MEI4: variants seen among roughly 807,000 people sequenced by gnomAD.
The protein encoded by MEI4 is meiotic double-stranded break formation protein 4, also known as meiosis-specific protein MEI4.
In MEI4, 27 loss-of-function variants were observed where a neutral mutation model predicts 31.4. The observed-to-expected ratio is 0.86, with a 90% CI of 0.63 to 1.19. MEI4 has a LOEUF of 1.19. Among genes scored for constraint, MEI4 ranks in the 50% most tolerant of loss-of-function variants. The pLI, the probability that MEI4 is intolerant of heterozygous loss-of-function variation, is 0.00. For synonymous variants in MEI4, 122 were observed against 145.4 expected (o/e 0.84, Z 1.16); for missense variants, 329 against 398.9 (o/e 0.82, Z 1.49).
At chr6:77,814,506 T>C (rs183546225) in intron 3 of MEI4, among the ~76,000 whole-genome samples, 8 of 152,236 alleles carry the variant, frequency 5.3e-5, no homozygotes, top group Non-Finnish European at 1.0e-4. Context: ...TAATCCTGTC[T>C]ATGTAAACAC....
rs532583496 is a variant in MEI4 at position 77,893,509 on chromosome 6, C to G, written c.901-29580C>G. Among the ~76,000 whole-genome samples, 3 of 152,252 alleles carry G rather than the reference C, an allele frequency of 2.0e-5. No individual in the cohort carries two copies. The South Asian group carries it at 6.2e-4, about 32-fold the overall frequency. On this transcript the variant is annotated intron_variant, in intron 4 of 4. Transcript: ENST00000684080. ...CGTCTTATAGACATCTCATATTGTT[C>G]TATAATTATTTACATATGTAACGCT...
chr6:77,821,972 A>C (rs9359294), intron 3 of MEI4, among the ~76,000 whole-genome samples: 22 of 151,866 alleles, frequency 1.4e-4, no homozygotes, highest in Non-Finnish European at 2.8e-4. Context: ...CCAAAGTCTT[A>C]TTTGAAAATT....
At chr6:77,889,608 G>A (rs886912769) in intron 4 of MEI4, among the ~76,000 whole-genome samples, 1 of 152,226 alleles carries the variant, frequency 6.6e-6, no homozygotes, top group African/African-American at 2.4e-5. Context: ...AGAAATTCAA[G>A]CTGGCTACAG....
intron 2 of MEI4, among the ~76,000 whole-genome samples, chr6:77,733,826 T>C (rs1460370667): frequency 6.6e-6 from 1 of 152,068 alleles, no homozygotes; most frequent in African/African-American, 2.4e-5. Context: ...TGGTATGTTG[T>C]ATGTTTGTTC....
At chr6:77,785,038 A>G (rs975841920) in intron 3 of MEI4, among the ~76,000 whole-genome samples, 2 of 152,148 alleles carry the variant, frequency 1.3e-5, no homozygotes, top group African/African-American at 2.4e-5. Flanking sequence ...TAATATGCTG[A>G]AATTTCCCCG....
intron 4 of MEI4, among the ~76,000 whole-genome samples, chr6:77,832,489 C>G (rs1420148901): frequency 6.6e-6 from 1 of 151,870 alleles, no homozygotes; most frequent in African/African-American, 2.4e-5. Flanking sequence ...ACTGAGAAGC[C>G]TTATGTGTCA....
In MEI4 at chr6:77,734,849, G is replaced by A. The variant is rs555338662; in HGVS notation, c.233-26281G>A. On this transcript the variant is annotated intron_variant, in intron 2 of 4. Coordinates refer to ENST00000684080, the MANE Select transcript of MEI4 (RefSeq NM_001322247.2). ...GGCCTGGTTGTGACAAAATCTCTCA[G>A]CATTTGCTTGTCTGTAAAGGATTTT... Among the ~76,000 whole-genome samples the A allele has an allele frequency of 6.1e-4, 93 of 151,814 alleles. 1 individual carries two copies. Among genetic ancestry groups the A allele is most frequent in the African/African-American group, 2.1e-3 (88 of 41,280 alleles).
chr6:77,804,411 C>G (rs1169064736), intron 3 of MEI4, among the ~76,000 whole-genome samples: 1 of 152,208 alleles, frequency 6.6e-6, no homozygotes, highest in African/African-American at 2.4e-5. Flanking sequence ...TTGGGTGAGG[C>G]AATGCCTCGC....
intron 4 of MEI4, among the ~76,000 whole-genome samples, chr6:77,860,794 C>T (rs1039101571): frequency 1.3e-5 from 2 of 152,150 alleles, no homozygotes; most frequent in African/African-American, 2.4e-5. Flanking sequence ...CACCATCTAT[C>T]GCTTGAATCA....
intron 3 of MEI4, among the ~76,000 whole-genome samples, chr6:77,773,204 T>C (rs1019457584): frequency 6.6e-6 from 1 of 151,958 alleles, no homozygotes. Flanking sequence ...CTAAAACTTA[T>C]ATAGAACCAC....
intron 1 of MEI4, among the ~76,000 whole-genome samples, chr6:77,686,792 T>G (rs1769062358): frequency 6.6e-6 from 1 of 151,436 alleles, no homozygotes; most frequent in African/African-American, 2.4e-5. Flanking sequence ...TGAAGATGTT[T>G]GATACATATT....
rs543823717 is a variant in MEI4, at chr6:77,777,138, CT to C, written c.768+15479del. 2.5e-3 allele frequency among the ~76,000 whole-genome samples: 381 copies of C among 152,054 alleles called. 1 individual carries two copies. The highest frequency in any genetic ancestry group is 8.8e-3 in the African/African-American group (367 of 41,488). On this transcript the variant is annotated intron_variant, in intron 3 of 4. Transcript: ENST00000684080. ...TCCTGATGAAAATGATAGTAAAGAA[CT>C]TTTTTAAAAAGGCACAAACATATGG...
At chr6:77,685,967 G>A (rs999324614) in intron 1 of MEI4, among the ~76,000 whole-genome samples, 1 of 148,802 alleles carries the variant, frequency 6.7e-6, no homozygotes, top group African/African-American at 2.4e-5. Flanking sequence ...GGAGGTGTTT[G>A]GGTCATGGGG....
intron 4 of MEI4, among the ~76,000 whole-genome samples, chr6:77,904,561 A>G (rs573096514): frequency 2.5e-4 from 38 of 151,916 alleles, no homozygotes; most frequent in Non-Finnish European, 5.0e-4. Flanking sequence ...AACATACAGG[A>G]TTTGGTTTTC....
chr6:77,868,831 T>C (rs556073834), intron 4 of MEI4, among the ~76,000 whole-genome samples: 76 of 152,162 alleles, frequency 5.0e-4, no homozygotes, highest in Middle Eastern at 3.4e-3. Flanking sequence ...CGTGATCCTG[T>C]GATCATCCCT....
At chr6:77,702,485 C>G (rs1766247379) in intron 2 of MEI4, among the ~76,000 whole-genome samples, 5 of 152,100 alleles carry the variant, frequency 3.3e-5, no homozygotes. Flanking sequence ...AAGATGTATC[C>G]TTAATTTGAT....
intron 3 of MEI4, among the ~76,000 whole-genome samples, chr6:77,816,181 CTATGA>C (rs960644848): frequency 4.6e-5 from 7 of 152,178 alleles, no homozygotes; most frequent in African/African-American, 1.7e-4. Flanking sequence ...AGGTAATTGC[CTATGA>C]TATGTTTGTA....
At chr6:77,714,877 A>T (rs961591187) in intron 2 of MEI4, among the ~76,000 whole-genome samples, 1 of 152,138 alleles carries the variant, frequency 6.6e-6, no homozygotes, top group Non-Finnish European at 1.5e-5. Context: ...CCTAGTTTGA[A>T]CTAATTTGTC....
intron 3 of MEI4, among the ~76,000 whole-genome samples, chr6:77,824,963 A>G (rs1238427248): frequency 1.3e-5 from 2 of 152,112 alleles, no homozygotes; most frequent in East Asian, 3.9e-4. Context: ...ACCAATCTCT[A>G]TCACTTGTTC....
Sources: gnomAD v4.1 joint callset for allele counts (sites outside exome capture counted in the v4.1 genomes callset) on GRCh38, gnomAD v4.1.1 for gene constraint, MANE v1.5 for transcripts, NCBI Gene and HGNC (gene_info 2026-07-23, HGNC 2026-07-21) for gene names.